Variants in SEL1L3 observed in about 807,000 individuals in gnomAD.
SEL1L3 encodes the protein SEL1L family member 3, also known as protein sel-1 homolog 3.
In SEL1L3, 76 loss-of-function variants were observed where a neutral mutation model predicts 142.8. The ratio of observed to expected loss-of-function variants is 0.53; its 90% confidence interval spans 0.44 to 0.64. The LOEUF (loss-of-function observed/expected upper bound fraction) is 0.64, where lower values mean the gene tolerates loss of function less well. SEL1L3 is among the 30% of genes least tolerant of loss of function. SEL1L3 has a pLI of 0.00. For synonymous variants in SEL1L3, 504 were observed against 519.6 expected (o/e 0.97, Z 0.41); for missense variants, 1,262 against 1,381.7 (o/e 0.91, Z 1.37).
At chr4:25,806,960 G>A (rs986406042) in intron 9 of SEL1L3, among the ~76,000 whole-genome samples, 6 of 151,940 alleles carry the variant, frequency 3.9e-5, no homozygotes, top group Non-Finnish European at 7.4e-5. Context: ...ACTATTAAAA[G>A]CGTGGTATGT....
intron 12 of SEL1L3, among the ~76,000 whole-genome samples, chr4:25,789,370 A>C (rs1712110169): frequency 6.6e-6 from 1 of 152,160 alleles, no homozygotes; most frequent in Non-Finnish European, 1.5e-5. Flanking sequence ...GCTTGAGGCC[A>C]GGAGTTCAAA....
At chr4:25,837,227 T>G (rs537018171) in intron 2 of SEL1L3, among the ~76,000 whole-genome samples, 43 of 150,520 alleles carry the variant, frequency 2.9e-4, no homozygotes, top group Non-Finnish European at 5.9e-4. Flanking sequence ...TCAGCTCAAC[T>G]TTGGTTTGGC....
intron 20 of SEL1L3, among the ~76,000 whole-genome samples, chr4:25,764,947 C>T (rs748029494): frequency 4.6e-5 from 7 of 152,036 alleles, no homozygotes; most frequent in South Asian, 2.1e-4. Context: ...ACTGAAAGGA[C>T]GGTTAGGAAG....
At chr4:25,799,981 A>G (rs1020522800) in intron 11 of SEL1L3, among the ~76,000 whole-genome samples, 1 of 152,224 alleles carries the variant, frequency 6.6e-6, no homozygotes, top group Non-Finnish European at 1.5e-5. Context: ...AGGACTAATC[A>G]TTTGTAATTA....
chr4:25,759,214 T>G, intron 20 of SEL1L3, 146 bp from the exon 21 acceptor site: 1 of 784,070 alleles, frequency 1.3e-6, no homozygotes, highest in Non-Finnish European at 2.0e-6. Flanking sequence ...CATTGATGAA[T>G]TGTTTCCCTA....
chr4:25,717,138 A>G, the SEL1L3 span, among the ~76,000 whole-genome samples: 5 of 152,066 alleles, frequency 3.3e-5, no homozygotes, highest in African/African-American at 1.2e-4. Context: ...AAAAACAAAC[A>G]AAAACAAAAA....
chr4:25,804,812 A>T, intron 9 of SEL1L3, 60 bp from the exon 10 acceptor site: 3 of 1,298,740 alleles, frequency 2.3e-6, no homozygotes, highest in Non-Finnish European at 3.3e-6. Context: ...ATGTGGCTTT[A>T]GAAAAAGAGG....
chr4:25,852,175 C>T (rs1716952877), intron 1 of SEL1L3, among the ~76,000 whole-genome samples: 1 of 152,150 alleles, frequency 6.6e-6, no homozygotes, highest in Non-Finnish European at 1.5e-5. Flanking sequence ...TGGTGACAAG[C>T]CAGTCTACTC....
At chr4:25,789,334 C>T (rs1712106790) in intron 12 of SEL1L3, among the ~76,000 whole-genome samples, 2 of 152,110 alleles carry the variant, frequency 1.3e-5, no homozygotes, top group Admixed American at 1.3e-4. Flanking sequence ...AATTCCTGCA[C>T]TTTGAGAGGC....
intron 13 of SEL1L3, among the ~76,000 whole-genome samples, chr4:25,787,945 C>T (rs1271098599): frequency 6.6e-6 from 1 of 152,210 alleles, no homozygotes; most frequent in Non-Finnish European, 1.5e-5. Flanking sequence ...CGGCTGAGCG[C>T]CAATCAATAA....
the SEL1L3 span, among the ~76,000 whole-genome samples, chr4:25,717,052 A>G: frequency 2.0e-5 from 3 of 150,686 alleles, no homozygotes; most frequent in Non-Finnish European, 4.4e-5. Context: ...ACTTGAACCC[A>G]GGAGTCAGAG....
Position 25,830,130 on chromosome 4 carries a change from C to T in SEL1L3, c.1125G>A (p.Gln375=), listed in dbSNP as rs769351275. ...GQIVVTTSIG[Q]DLKSYHNQTI... The stretch of plus-strand genomic sequence containing the variant: ...TCTGATTGTGGTAGCTTTTCAAATC[C>T]TGTCCAATGCTAGTGGTTACTACTA... Residue 375 remains glutamine, a synonymous_variant, in exon 6 of 24, where the codon CAG becomes CAA. Transcript: ENST00000399878. 1 of 1,610,758 alleles carries T rather than the reference C, an allele frequency of 6.2e-7. No individual in the cohort carries two copies. The highest frequency in any genetic ancestry group is 2.2e-5 in the East Asian group (1 of 44,840).
At chr4:25,801,955 G>T (rs1483953975) in intron 11 of SEL1L3, among the ~76,000 whole-genome samples, 2 of 152,148 alleles carry the variant, frequency 1.3e-5, no homozygotes, top group Non-Finnish European at 2.9e-5. Flanking sequence ...ATCTCATAGG[G>T]TATTGGCACA....
Position 25,835,251 on chromosome 4 carries a change from C to T in SEL1L3, c.806G>A (p.Arg269Lys), listed in dbSNP as rs1328232574. 10 of 1,614,002 alleles carry T rather than the reference C, an allele frequency of 6.2e-6. No homozygotes were observed. The highest frequency in any genetic ancestry group is 8.5e-6 in the Non-Finnish European group (10 of 1,179,880). The change falls in exon 3 of 24, where the codon AGG (arginine) becomes AAG (lysine). Residue 269 changes from arginine to lysine, a missense_variant. Coordinates refer to ENST00000399878, the MANE Select transcript of SEL1L3 (RefSeq NM_015187.5). ...GGCCTCCAGCTCTCGGTTCCGAAAC[C>T]TCGGGAACTTCTTGACAATGCCTGT... ...ENTGIVKKFPRFRNRELEATR... is the reference protein window; with the variant it reads ...ENTGIVKKFPKFRNRELEATR...
intron 6 of SEL1L3, among the ~76,000 whole-genome samples, chr4:25,823,496 A>C (rs532342061): frequency 1.2e-4 from 18 of 152,278 alleles, no homozygotes; most frequent in Middle Eastern, 3.4e-3. Flanking sequence ...CCTGGGTGAC[A>C]AGAGCGAGAC....
intron 9 of SEL1L3, among the ~76,000 whole-genome samples, chr4:25,808,679 T>C (rs1463474704): frequency 6.6e-6 from 1 of 152,154 alleles, no homozygotes; most frequent in Non-Finnish European, 1.5e-5. Context: ...CTACACCAAG[T>C]TGACTGGTTT....
chr4:25,840,227 T>C (rs1716081287), intron 2 of SEL1L3, among the ~76,000 whole-genome samples: 1 of 152,166 alleles, frequency 6.6e-6, no homozygotes, highest in Non-Finnish European at 1.5e-5. Context: ...TAAAGGGGAA[T>C]GTAGATGCTA....
In SEL1L3 at chr4:25,804,668, C is replaced by T. The variant is rs1713430472; in HGVS notation, c.1649G>A (p.Gly550Asp). The change falls in exon 10 of 24, where the codon GGT becomes GAT. Residue 550 changes from glycine (G) to aspartate (D), a missense_variant. Around this residue, in one of 3 missense-constraint regions of SEL1L3, gnomAD observed 689 missense variants for 692.8 expected, o/e 0.99. Transcript: ENST00000399878. Reference sequence around the variant, plus strand: ...GACGATAGAGCTAATTTGGTGAAGACCATCAATGCTAGAGAGTCTCTTTAC... The same window carrying T: ...GACGATAGAGCTAATTTGGTGAAGATCATCAATGCTAGAGAGTCTCTTTAC... ...KAVKRLSSID[G>D]LHQISSIVPF... is the part of the protein sequence containing the mutation. 3 of 1,613,532 alleles carry T rather than the reference C, an allele frequency of 1.9e-6. No individual in the cohort carries two copies. Among genetic ancestry groups the T allele is most frequent in the African/African-American group, 1.3e-5 (1 of 74,926 alleles).
At chr4:25,778,229 A>G (rs1174353982) in intron 16 of SEL1L3, among the ~76,000 whole-genome samples, 2 of 152,212 alleles carry the variant, frequency 1.3e-5, no homozygotes, top group African/African-American at 2.4e-5. Context: ...AAAGACACAG[A>G]TGGAGGGAAA....
Sources: allele counts gnomAD v4.1 joint callset (sites outside exome capture counted in the v4.1 genomes callset), GRCh38; gene constraint gnomAD v4.1.1; regional missense constraint gnomAD v4.1.1; transcripts MANE v1.5; gene names NCBI Gene and HGNC (gene_info 2026-07-23, HGNC 2026-07-21).